RANBP17: variants seen among roughly 807,000 people sequenced by gnomAD.
The protein encoded by RANBP17 is ran-binding protein 17.
In RANBP17, 158 loss-of-function variants were observed where a neutral mutation model predicts 141.2. The ratio of observed to expected loss-of-function variants is 1.12; its 90% CI spans 0.98 to 1.28. The LOEUF (loss-of-function observed/expected upper bound fraction) is 1.28, where lower values mean the gene tolerates loss of function less well. RANBP17 is among the 50% of genes most tolerant of loss of function. The pLI, the probability that RANBP17 is intolerant of heterozygous loss-of-function variation, is 0.00. For missense variants in RANBP17, 1,438 were observed against 1,290.7 expected, an observed-to-expected ratio of 1.11 and a Z score of -1.75; for synonymous variants, 430 against 450.0, an observed-to-expected ratio of 0.96 and a Z score of 0.56.
Position 171,271,075 on chromosome 5 carries a change from C to CTTTTTTTTTTTTTTTTTTTTTTTTTT in RANBP17, c.2943+5246_2943+5271dup, listed in dbSNP as rs531200106. 1.8e-4 allele frequency: 5 copies of CTTTTTTTTTTTTTTTTTTTTTTTTTT among 27,540 alleles called. 1 individual carries two copies. The highest frequency in any genetic ancestry group is 8.6e-4 in the Admixed American group (1 of 1,166). The allele number at this position is 27,540 out of a possible 1,614,324, so 1.7% of individuals were successfully genotyped here. ...TTTCTCCCTCCTTTTTATGTTATTT[C>CTTTTTTTTTTTTTTTTTTTTTTTTTT]TTTTTTTTTTTTTTTTTTTTTTTTT... is the stretch of plus-strand genomic sequence containing the variant. On this transcript the variant is annotated intron_variant, in intron 25 of 27. Transcript: ENST00000523189.
At position 170,881,876 on chromosome 5, in the gene RANBP17, T is replaced by G. The variant is rs775498468; in HGVS notation, c.236T>G (p.Val79Gly). 2 of 1,607,284 alleles carry G rather than the reference T, an allele frequency of 1.2e-6. No homozygotes were observed. Among genetic ancestry groups the G allele is most frequent in the Non-Finnish European group, 1.7e-6 (2 of 1,176,676 alleles). ...GTCAGCCGAGTCAGTCCTTTACCTG[T>G]TGAGCAGAGGATGGACATCAGTAAG... ...KLVSRVSPLPVEQRMDIRNYI... is the reference protein window; with the variant it reads ...KLVSRVSPLPGEQRMDIRNYI... The change falls in exon 3 of 28, where the codon GTT becomes GGT. Residue 79 changes from valine to glycine, a missense_variant. Coordinates refer to ENST00000523189, the MANE Select transcript of RANBP17 (RefSeq NM_022897.5).
chr5:170,891,281 A>G (rs1214917728), intron 3 of RANBP17, among the ~76,000 whole-genome samples: 2 of 152,344 alleles, frequency 1.3e-5, no homozygotes, highest in Admixed American at 6.5e-5. Flanking sequence ...TAAATATGAC[A>G]CTTTACCTTG....
intron 20 of RANBP17, chr5:171,208,031 A>C (rs1762679026): frequency 6.6e-6 from 1 of 152,324 alleles, no homozygotes; most frequent in South Asian, 2.1e-4. Context: ...GATATGTCAA[A>C]CCGTCAGTGA....
intron 14 of RANBP17, among the ~76,000 whole-genome samples, chr5:171,117,531 G>C (rs1431264936): frequency 3.9e-5 from 6 of 151,930 alleles, no homozygotes; most frequent in Non-Finnish European, 8.8e-5. Flanking sequence ...ATGGAGTCTT[G>C]CTCTGTCGCC....
At chr5:171,264,370 C>T (rs1476940541) in intron 24 of RANBP17, among the ~76,000 whole-genome samples, 2 of 151,850 alleles carry the variant, frequency 1.3e-5, no homozygotes, top group East Asian at 3.9e-4. Flanking sequence ...AACCAAAAAC[C>T]ACCTATTCCC....
intron 18 of RANBP17, among the ~76,000 whole-genome samples, chr5:171,189,857 T>C (rs1488338665): frequency 6.6e-6 from 1 of 152,218 alleles, no homozygotes; most frequent in East Asian, 1.9e-4. Flanking sequence ...TAGTTTTCTA[T>C]TGTGTGTTCA....
intron 25 of RANBP17, among the ~76,000 whole-genome samples, chr5:171,278,927 T>C (rs948479267): frequency 6.6e-6 from 1 of 152,222 alleles, no homozygotes; most frequent in Admixed American, 6.5e-5. Flanking sequence ...AAAAACGATA[T>C]GCAGGTACCA....
At position 170,899,320 on chromosome 5, in the gene RANBP17, G is replaced by A. The variant is rs184391406; in HGVS notation, c.489+3205G>A. 5.9e-3 allele frequency among the ~76,000 whole-genome samples: 902 copies of A among 152,002 alleles called. 8 individuals are homozygous for A. The highest frequency in any genetic ancestry group is 0.021 in the African/African-American group (856 of 41,502). Reference sequence around the variant, plus strand: ...GTTCACTCATGATTTGGCTCTGTTCGTCTGTTATTGGTGTATAGGAATGCT... The same window carrying A: ...GTTCACTCATGATTTGGCTCTGTTCATCTGTTATTGGTGTATAGGAATGCT... On this transcript the variant is annotated intron_variant, in intron 5 of 27. Transcript: ENST00000523189.
At chr5:171,062,490 C>G (rs1783958977) in intron 14 of RANBP17, among the ~76,000 whole-genome samples, 1 of 152,208 alleles carries the variant, frequency 6.6e-6, no homozygotes, top group Admixed American at 6.5e-5. Context: ...TATTGGCCCC[C>G]ACTCTCTTCT....
chr5:171,036,978 T>G (rs1781922375), intron 14 of RANBP17, among the ~76,000 whole-genome samples: 1 of 152,130 alleles, frequency 6.6e-6, no homozygotes, highest in African/African-American at 2.4e-5. Context: ...CTGGGCCAAA[T>G]GGTAGTTCTA....
intron 12 of RANBP17, among the ~76,000 whole-genome samples, chr5:170,930,428 T>A (rs948204901): frequency 5.3e-5 from 8 of 151,942 alleles, no homozygotes; most frequent in African/African-American, 1.7e-4. Flanking sequence ...TTATTTATTT[T>A]ACTTTAAGTT....
At chr5:171,235,957 A>G (rs1764517656) in intron 22 of RANBP17, among the ~76,000 whole-genome samples, 1 of 152,228 alleles carries the variant, frequency 6.6e-6, no homozygotes, top group Non-Finnish European at 1.5e-5. Context: ...CTAATTTTAT[A>G]TTCCCAACAA....
chr5:171,143,665 C>T (rs1757851208), intron 14 of RANBP17, among the ~76,000 whole-genome samples: 1 of 152,048 alleles, frequency 6.6e-6, no homozygotes, highest in Non-Finnish European at 1.5e-5. Context: ...CTGCTGTATC[C>T]CAGTCCCTAT....
In RANBP17 at chr5:171,214,261, T is replaced by C. The variant is rs79395615; in HGVS notation, c.2339+523T>C. ...CCAAGATGCATGTATTTGGATGATT[T>C]ATACACTCACAGTTTTCATTGAGAG... On this transcript the variant is annotated intron_variant, in intron 21 of 27. Coordinates refer to ENST00000523189, the MANE Select transcript of RANBP17 (RefSeq NM_022897.5). Among the ~76,000 whole-genome samples the C allele has an allele frequency of 1.8e-3, 269 of 152,310 alleles. 2 individuals carry two copies. Among genetic ancestry groups the C allele is most frequent in the African/African-American group, 6.3e-3 (261 of 41,564 alleles).
intron 4 of RANBP17, among the ~76,000 whole-genome samples, chr5:170,893,582 A>C (rs1321046380): frequency 6.6e-6 from 1 of 152,108 alleles, no homozygotes; most frequent in African/African-American, 2.4e-5. Flanking sequence ...TCATGAGGTC[A>C]GGAGATCGAG....
chr5:170,922,129 C>A (rs1772516882), intron 11 of RANBP17, among the ~76,000 whole-genome samples: 1 of 152,042 alleles, frequency 6.6e-6, no homozygotes, highest in African/African-American at 2.4e-5. Flanking sequence ...CCACTCCAGA[C>A]CCTGTTTGTC....
rs530781283 is a variant in RANBP17 at position 171,052,896 on chromosome 5, A to G, written c.1710+84519A>G. Among the ~76,000 whole-genome samples, 146 of 151,856 alleles carry G rather than the reference A, an allele frequency of 9.6e-4. 1 individual carries two copies. The highest frequency in any genetic ancestry group is 3.4e-3 in the African/African-American group (139 of 41,440). ...AGATGGAGTTTCACTGTTGTTGCCC[A>G]GGCTGGGGTACAATGGCACGATCTC... is the stretch of plus-strand genomic sequence containing the variant. On this transcript the variant is annotated intron_variant, in intron 14 of 27. Coordinates refer to ENST00000523189, the MANE Select transcript of RANBP17 (RefSeq NM_022897.5).
intron 14 of RANBP17, among the ~76,000 whole-genome samples, chr5:171,017,928 G>A (rs1485496498): frequency 6.6e-6 from 1 of 152,084 alleles, no homozygotes; most frequent in African/African-American, 2.4e-5. Flanking sequence ...GTTAATTTTT[G>A]TATAAGGTGT....
intron 5 of RANBP17, chr5:170,897,047 C>A (rs1770191120): frequency 2.3e-6 from 2 of 887,128 alleles, no homozygotes; most frequent in Admixed American, 1.8e-5. Flanking sequence ...TATTATGAGG[C>A]AATAAGCAGC....
Sources: allele counts gnomAD v4.1 joint callset (sites outside exome capture counted in the v4.1 genomes callset), GRCh38; gene constraint gnomAD v4.1.1; transcripts MANE v1.5; gene names NCBI Gene and HGNC (gene_info 2026-07-23, HGNC 2026-07-21).